TSKS: variants seen among roughly 807,000 people sequenced by gnomAD.
TSKS encodes the protein testis specific serine kinase substrate.
In TSKS, 27 loss-of-function variants were observed where a neutral mutation model predicts 68.0. The ratio of observed to expected loss-of-function variants is 0.40; its 90% CI spans 0.29 to 0.55. The LOEUF is 0.55. Among genes scored for constraint, TSKS ranks in the 20% least tolerant of loss-of-function variants. TSKS has a pLI of 0.53. For missense variants in TSKS, 806 were observed against 776.0 expected, an observed-to-expected ratio of 1.04 and a Z score of -0.46; for synonymous variants, 331 against 340.4, an observed-to-expected ratio of 0.97 and a Z score of 0.30.
chr19:49,747,616 G>A (rs1208873016), intron 4 of TSKS, 144 bp from the exon 5 acceptor site: 7 of 750,068 alleles, frequency 9.3e-6, no homozygotes, highest in African/African-American at 1.7e-5. Flanking sequence ...CTTGGCTAAG[G>A]GGATGGCTTC....
intron 2 of TSKS, among the ~76,000 whole-genome samples, chr19:49,750,728 T>C (rs1442490235): frequency 6.6e-6 from 1 of 152,084 alleles, no homozygotes; most frequent in African/African-American, 2.4e-5. Context: ...TGGAAGGCAG[T>C]GGCGAGAGCA....
At chr19:49,751,304 A>C (rs2084348646) in intron 2 of TSKS, among the ~76,000 whole-genome samples, 1 of 122,454 alleles carries the variant, frequency 8.2e-6, no homozygotes, top group South Asian at 3.2e-4. Context: ...TCCATCTCAA[A>C]AAAAAAAAAA....
chr19:49,744,559 G>T (rs1241019354), intron 7 of TSKS, among the ~76,000 whole-genome samples, 155 bp from the exon 8 acceptor site: 1 of 152,034 alleles, frequency 6.6e-6, no homozygotes. Flanking sequence ...CTCACTTTTT[G>T]TATTTTACTT....
At chr19:49,753,289 G>C (rs149495250) in intron 2 of TSKS, among the ~76,000 whole-genome samples, 1,778 of 152,138 alleles carry the variant, frequency 0.012, 30 homozygotes, top group African/African-American at 0.041. Flanking sequence ...TAGGCCGGGC[G>C]TGTTGGCTCA....
At chr19:49,756,103 T>C (rs929899956) in intron 2 of TSKS, among the ~76,000 whole-genome samples, 1 of 152,090 alleles carries the variant, frequency 6.6e-6, no homozygotes, top group Non-Finnish European at 1.5e-5. Flanking sequence ...TCCAACAGCA[T>C]GTAAAAAGGA....
intron 2 of TSKS, among the ~76,000 whole-genome samples, chr19:49,754,688 C>T (rs867840357): frequency 6.6e-6 from 1 of 151,904 alleles, no homozygotes; most frequent in South Asian, 2.1e-4. Flanking sequence ...TAAATATGTT[C>T]GAAGTGCTAA....
At chr19:49,745,817 C>T (rs1169765034) in intron 6 of TSKS, among the ~76,000 whole-genome samples, 2 of 152,160 alleles carry the variant, frequency 1.3e-5, no homozygotes, top group Non-Finnish European at 2.9e-5. Context: ...TATTCTGTCC[C>T]TCCCTTGCTC....
rs536671327 is a variant in TSKS, at chr19:49,761,293, T to TG, written c.399+710dup. Among the ~76,000 whole-genome samples, 369 of 152,070 alleles carry TG rather than the reference T, an allele frequency of 2.4e-3. 3 individuals are homozygous for TG. The highest frequency in any genetic ancestry group is 8.5e-3 in the African/African-American group (352 of 41,466). ...TAGGCCTGGCCCAGGGGAAGCCAGG[T>TG]GGGGGGTGAGGATCAGAGGTGCAGT... On this transcript the variant is annotated intron_variant, in intron 2 of 10. Coordinates refer to ENST00000246801, the MANE Select transcript of TSKS (RefSeq NM_021733.2).
intron 6 of TSKS, 83 bp from the exon 7 acceptor site, chr19:49,745,479 C>A: frequency 8.3e-7 from 1 of 1,199,786 alleles, no homozygotes; most frequent in South Asian, 1.7e-5. Context: ...TGGGACAGGA[C>A]TCACCTATCT....
In TSKS at chr19:49,741,999, C is replaced by T. The variant is rs751579199; in HGVS notation, c.1383G>A (p.Thr461=). The T allele has an allele frequency of 1.3e-5, 21 of 1,613,952 alleles. No individual in the cohort carries two copies. Among genetic ancestry groups the T allele is most frequent in the Admixed American group, 3.3e-5 (2 of 59,984 alleles). ...GGTCCAGCAGCTGCTGCAGGGACTC[C>T]GTAGACAACTGCGACCCCTGGCTGG... is the stretch of plus-strand genomic sequence containing the variant. ...RCASQGSQLS[T]ESLQQLLDRA... Residue 461 remains threonine, a synonymous_variant, in exon 9 of 11, where the codon ACG becomes ACA. Transcript: ENST00000246801.
intron 2 of TSKS, among the ~76,000 whole-genome samples, chr19:49,759,895 C>G (rs1004441903): frequency 6.6e-6 from 1 of 151,338 alleles, no homozygotes; most frequent in Non-Finnish European, 1.5e-5. Context: ...GGTTCATGCC[C>G]GTAATCCTAG....
chr19:49,757,683 A>G, intron 2 of TSKS, among the ~76,000 whole-genome samples: 1 of 151,956 alleles, frequency 6.6e-6, no homozygotes, highest in Admixed American at 6.6e-5. Flanking sequence ...CAGGGTCTCC[A>G]TCACCGCCTG....
Position 49,741,888 on chromosome 19 carries a change from A to C in TSKS, c.1494T>G (p.Ile498Met). 1 of 1,614,122 alleles carries C rather than the reference A, an allele frequency of 6.2e-7. No homozygotes were observed. Among genetic ancestry groups the C allele is most frequent in the Non-Finnish European group, 8.5e-7 (1 of 1,180,010 alleles). The change falls in exon 9 of 11, where the codon ATT becomes ATG. Residue 498 changes from isoleucine to methionine, a missense_variant. Transcript: ENST00000246801. ...GGTGGCCCATATTCCCTGGTACCAG[A>C]ATCTTCTTGTGTAGCCTCTGACAGC... The part of the protein sequence containing the change: ...CPSCQRLHKK[I>M]LELERQALAK...
intron 8 of TSKS, 31 bp downstream of exon 8, chr19:49,744,200 A>C (rs1481493224): frequency 6.2e-7 from 1 of 1,600,880 alleles, no homozygotes; most frequent in African/African-American, 1.3e-5. Flanking sequence ...CCTATCCACA[A>C]GGCTCCCAGA....
chr19:49,745,171 G>C (rs536615291), intron 7 of TSKS, 31 bp downstream of exon 7: 14 of 1,529,972 alleles, frequency 9.2e-6, no homozygotes, highest in Non-Finnish European at 1.2e-5. Flanking sequence ...TGCCCCTTCC[G>C]GTCTTCCCAT....
chr19:49,748,058 A>G, intron 4 of TSKS, 27 bp downstream of exon 4: 3 of 1,606,920 alleles, frequency 1.9e-6, no homozygotes, highest in Non-Finnish European at 2.6e-6. Context: ...CCCTCTCCCC[A>G]TCCATTCCTG....
chr19:49,756,288 T>C (rs2084391678), intron 2 of TSKS, among the ~76,000 whole-genome samples: 1 of 151,964 alleles, frequency 6.6e-6, no homozygotes. Context: ...TGAGACTCCA[T>C]CTCTACCAAA....
At chr19:49,747,985 A>G in intron 4 of TSKS, 100 bp downstream of exon 4, 2 of 1,140,034 alleles carry the variant, frequency 1.8e-6, no homozygotes, top group Non-Finnish European at 2.6e-6. Flanking sequence ...CTGGGATTAC[A>G]GATGTGAGCC....
Position 49,763,121 on chromosome 19 carries a change from C to A in TSKS, c.127G>T (p.Ala43Ser), listed in dbSNP as rs1393017506. Residue 43 changes from alanine to serine, a missense_variant, in exon 1 of 11, where the codon GCC (alanine) becomes TCC (serine). Physicochemically the swap from Ala to Ser is moderately conservative, Grantham distance 99. Transcript: ENST00000246801. This position sits in a 1 kb window ranked among gnomAD's most constrained non-coding sequence, Gnocchi z 4.5. ...TTCTTTTTCTTCGGGATCCCCTTGGCCCGGCTGGTCACCCTCCGGGGAGCC... is the reference window on the plus strand; with the variant it reads ...TTCTTTTTCTTCGGGATCCCCTTGGACCGGCTGGTCACCCTCCGGGGAGCC... Reference protein sequence around the residue: ...PEAPRRVTSRAKGIPKKKKAV... With the variant: ...PEAPRRVTSRSKGIPKKKKAV... The A allele has an allele frequency of 1.2e-6, 2 of 1,612,472 alleles. No individual in the cohort carries two copies. The highest frequency in any genetic ancestry group is 2.2e-5 in the South Asian group (2 of 90,906).
Sources: allele counts gnomAD v4.1 joint callset (sites outside exome capture counted in the v4.1 genomes callset), GRCh38; gene constraint gnomAD v4.1.1; non-coding constraint Gnocchi (gnomAD v3.1); transcripts MANE v1.5; gene names NCBI Gene and HGNC (gene_info 2026-07-23, HGNC 2026-07-21).